The following LRRC63 variants were observed in gnomAD, a reference collection of about 807,000 sequenced individuals.
LRRC63 encodes the protein leucine-rich repeat-containing protein 63.
LRRC63 carries 40 observed loss-of-function variants against 49.5 expected under a neutral mutation model. The observed-to-expected ratio is 0.81, with a 90% confidence interval of 0.63 to 1.05. LRRC63 has a LOEUF of 1.05. Among genes scored for constraint, LRRC63 ranks in the 50% least tolerant of loss-of-function variants. The pLI is 0.00. For missense variants in LRRC63, 636 were observed against 663.1 expected, an observed-to-expected ratio of 0.96 and a Z score of 0.45; for synonymous variants, 191 against 221.1, an observed-to-expected ratio of 0.86 and a Z score of 1.21.
At chr13:46,270,340 G>A in intron 9 of LRRC63, 1 of 865,284 alleles carries the variant, frequency 1.2e-6, no homozygotes, top group Non-Finnish European at 2.0e-6. Flanking sequence ...TTAAGTGGGG[G>A]GCACAGTTTC....
At chr13:46,263,730 A>T (rs1036509317) in intron 8 of LRRC63, among the ~76,000 whole-genome samples, 1 of 152,188 alleles carries the variant, frequency 6.6e-6, no homozygotes, top group South Asian at 2.1e-4. Context: ...GATTCTCATT[A>T]GTATTTTCCT....
chr13:46,232,310 A>G (rs956344791), intron 4 of LRRC63, among the ~76,000 whole-genome samples: 1 of 152,264 alleles, frequency 6.6e-6, no homozygotes, highest in Non-Finnish European at 1.5e-5. Flanking sequence ...AAATCTTCAT[A>G]CAAACTCCAA....
chr13:46,261,831 C>G (rs1311749901), intron 7 of LRRC63, 78 bp from the exon 8 acceptor site: 2 of 409,928 alleles, frequency 4.9e-6, no homozygotes, highest in Non-Finnish European at 8.5e-6. Flanking sequence ...ATACTCCTGC[C>G]TACTTACTCA....
Position 46,234,215 on chromosome 13 carries a change from GA to G in LRRC63, c.858del (p.Glu286AspfsTer23), listed in dbSNP as rs2138437267. ...AGGTCTCACCAAAACTGAAAAAATA[GA>G]ATCAGAGATACACGTTGTACGTGGT... On this transcript the variant is annotated frameshift_variant, in exon 5 of 10. Coordinates refer to ENST00000595396, the Ensembl canonical transcript of LRRC63. LOFTEE classifies it high-confidence loss of function. 1 of 1,549,282 alleles carries G rather than the reference GA, an allele frequency of 6.5e-7. No individual in the cohort carries two copies. Among genetic ancestry groups the G allele is most frequent in the South Asian group, 1.2e-5 (1 of 83,828 alleles).
intron 4 of LRRC63, among the ~76,000 whole-genome samples, chr13:46,233,049 T>C (rs575191925): frequency 6.6e-6 from 1 of 152,336 alleles, no homozygotes; most frequent in African/African-American, 2.4e-5. Flanking sequence ...CCCAGAACTT[T>C]TGTACCCTTG....
chr13:46,222,230 A>G (rs1196377824), intron 2 of LRRC63, among the ~76,000 whole-genome samples: 1 of 150,512 alleles, frequency 6.6e-6, no homozygotes, highest in African/African-American at 2.4e-5. Context: ...TTTCCTGTTG[A>G]GTTGTTTGAG....
rs976981425 is a variant in LRRC63, at chr13:46,268,541, T to TA, written c.1550+1575dup. Among the ~76,000 whole-genome samples, 10 of 148,276 alleles carry TA rather than the reference T, an allele frequency of 6.7e-5. 1 individual carries two copies. Among genetic ancestry groups the TA allele is most frequent in the African/African-American group, 1.1e-4 (4 of 38,016 alleles). ...ATAAGAACCTAAAATCAGCCAGGAA[T>TA]AAAAAATCCCTTACAAAAAACAACA... On this transcript the variant is annotated intron_variant, in intron 9 of 9. Transcript: ENST00000595396.
chr13:46,219,893 G>A (rs1388772646), intron 2 of LRRC63, among the ~76,000 whole-genome samples: 1 of 152,154 alleles, frequency 6.6e-6, no homozygotes, highest in Non-Finnish European at 1.5e-5. Context: ...TTGCTGAAGG[G>A]CCACTCCAGA....
chr13:46,257,497 C>G (rs1353840979), intron 7 of LRRC63, among the ~76,000 whole-genome samples: 1 of 152,066 alleles, frequency 6.6e-6, no homozygotes, highest in Non-Finnish European at 1.5e-5. Context: ...ATCACATTCC[C>G]CCAGGAGGAG....
chr13:46,214,933 G>C (rs1199474101), intron 2 of LRRC63, among the ~76,000 whole-genome samples: 1 of 152,130 alleles, frequency 6.6e-6, no homozygotes, highest in African/African-American at 2.4e-5. Context: ...CCCTGCAAAG[G>C]ACATAATCTC....
intron 5 of LRRC63, among the ~76,000 whole-genome samples, chr13:46,241,980 A>G (rs188395045): frequency 1.8e-4 from 28 of 152,336 alleles, no homozygotes; most frequent in Non-Finnish European, 1.2e-4. Context: ...ATATACCCAA[A>G]CCAATATAAA....
chr13:46,242,042 T>C (rs2047077747), intron 5 of LRRC63, among the ~76,000 whole-genome samples: 1 of 151,778 alleles, frequency 6.6e-6, no homozygotes, highest in Non-Finnish European at 1.5e-5. Flanking sequence ...CTATTTGTGA[T>C]AACAAAGTCA....
At chr13:46,265,333 C>T (rs1233295489) in intron 8 of LRRC63, among the ~76,000 whole-genome samples, 1 of 152,186 alleles carries the variant, frequency 6.6e-6, no homozygotes, top group African/African-American at 2.4e-5. Flanking sequence ...GTGTGCCACA[C>T]TCATTCTGAT....
At chr13:46,252,586 A>C (rs2047411610) in intron 7 of LRRC63, among the ~76,000 whole-genome samples, 1 of 152,082 alleles carries the variant, frequency 6.6e-6, no homozygotes, top group Non-Finnish European at 1.5e-5. Context: ...GGAGATGTAC[A>C]CAGTAAAATG....
intron 7 of LRRC63, among the ~76,000 whole-genome samples, chr13:46,255,645 A>AAAAAAAAAATATATATATATATAT (rs1555328641): frequency 2.3e-5 from 3 of 129,468 alleles, no homozygotes; most frequent in African/African-American, 8.7e-5. Context: ...CCCTGCCTCA[A>AAAAAAAAAATATATATATATATAT]ATATATATAT....
chr13:46,215,369 T>A (rs1165215016), intron 2 of LRRC63, among the ~76,000 whole-genome samples: 3 of 152,192 alleles, frequency 2.0e-5, no homozygotes, highest in Non-Finnish European at 4.4e-5. Flanking sequence ...ATTAGTGATG[T>A]TAAGCTTTTT....
At chr13:46,259,983 C>T (rs2047588067) in intron 7 of LRRC63, among the ~76,000 whole-genome samples, 2 of 152,164 alleles carry the variant, frequency 1.3e-5, no homozygotes, top group South Asian at 4.1e-4. Context: ...AAAAGTTTTA[C>T]ATATCCTAAA....
intron 5 of LRRC63, among the ~76,000 whole-genome samples, chr13:46,235,191 G>A (rs774437813): frequency 6.6e-6 from 1 of 152,116 alleles, no homozygotes; most frequent in Non-Finnish European, 1.5e-5. Flanking sequence ...TTGAAGGAGT[G>A]CCTTAGCACA....
chr13:46,272,414 A>C lies in LRRC63; in HGVS notation c.1551-4176A>C, dbSNP rs1397744378. On this transcript the variant is annotated intron_variant, in intron 9 of 9. Transcript: ENST00000595396. ...GAATGTAATATCACTAGTAATCAAGAAACTGCAATGTAAAATAGCAACAAT... is the reference window on the plus strand; with the variant it reads ...GAATGTAATATCACTAGTAATCAAGCAACTGCAATGTAAAATAGCAACAAT... Among the ~76,000 whole-genome samples, 7 of 152,342 alleles carry C rather than the reference A, an allele frequency of 4.6e-5. No homozygotes were observed. In the East Asian group the frequency reaches 1.3e-3, roughly 29 times the overall value.
Sources: allele counts gnomAD v4.1 joint callset (sites outside exome capture counted in the v4.1 genomes callset), GRCh38; gene constraint gnomAD v4.1.1; transcripts MANE v1.5; gene names NCBI Gene and HGNC (gene_info 2026-07-23, HGNC 2026-07-21).